Variants in CEP63 observed in about 807,000 individuals in gnomAD.
The protein encoded by CEP63 is centrosomal protein 63.
Under a neutral mutation model 89.1 loss-of-function variants are expected in CEP63, and 84 were observed. The observed-to-expected ratio is 0.94, with a 90% CI of 0.79 to 1.13. The LOEUF (loss-of-function observed/expected upper bound fraction) is 1.13, where lower values mean the gene tolerates loss of function less well. Among genes scored for constraint, CEP63 ranks in the 50% most tolerant of loss-of-function variants. The probability of loss-of-function intolerance (pLI) is 0.00; values close to 1 mark genes in which losing one functional copy is unlikely to be tolerated. For missense variants in CEP63, 838 were observed against 813.3 expected (o/e 1.03, Z -0.37); for synonymous variants, 267 against 272.5 (o/e 0.98, Z 0.20).
chr3:134,701,312 A>ATACGTATATATACGTATATGTG, the CEP63 span, among the ~76,000 whole-genome samples: 2 of 24,856 alleles, frequency 8.0e-5, no homozygotes, highest in Non-Finnish European at 1.7e-4. Context: ...ATACGTATAT[A>ATACGTATATATACGTATATGTG]TGTGTATATA....
At chr3:134,604,038 C>T in the CEP63 span, 2 of 1,614,022 alleles carry the variant, frequency 1.2e-6, no homozygotes, top group Non-Finnish European at 1.7e-6. Flanking sequence ...AGATGTAGCG[C>T]CGCTGTGTCT....
the CEP63 span, among the ~76,000 whole-genome samples, chr3:134,695,136 G>A: frequency 6.6e-6 from 1 of 152,216 alleles, no homozygotes; most frequent in Non-Finnish European, 1.5e-5. Context: ...TGCGGGGTAG[G>A]AGGTGGGAGG....
chr3:134,629,135 A>G, the CEP63 span, among the ~76,000 whole-genome samples: 2 of 152,210 alleles, frequency 1.3e-5, no homozygotes, highest in Non-Finnish European at 2.9e-5. Flanking sequence ...TATGGTGGTT[A>G]AGACCACAGG....
At position 134,561,373 on chromosome 3, in the gene CEP63, C is replaced by G. The variant is rs761546640; in HGVS notation, c.1954-4C>G. ...ACACATGTCAAAATTTGTGTCTCTT[C>G]CAGTGTTCCTTGCCTGTATCTCCCC... On this transcript the variant is annotated splice_region_variant and splice_polypyrimidine_tract_variant and intron_variant, in intron 14 of 14. Coordinates refer to ENST00000675561, the MANE Select transcript of CEP63 (RefSeq NM_001353108.3). 2 of 1,613,238 alleles carry G rather than the reference C, an allele frequency of 1.2e-6. No individual in the cohort carries two copies. The highest frequency in any genetic ancestry group is 2.2e-5 in the South Asian group (2 of 91,060).
the CEP63 span, among the ~76,000 whole-genome samples, chr3:134,699,161 G>A: frequency 6.6e-6 from 1 of 152,204 alleles, no homozygotes; most frequent in Non-Finnish European, 1.5e-5. Flanking sequence ...AAACATATCT[G>A]TCCTAATCAC....
chr3:134,673,188 C>T, the CEP63 span, among the ~76,000 whole-genome samples: 37 of 152,294 alleles, frequency 2.4e-4, no homozygotes, highest in South Asian at 1.7e-3. Flanking sequence ...ATACCACCAT[C>T]CATCAAGAAC....
downstream of CEP63, among the ~76,000 whole-genome samples, chr3:134,575,999 C>T (rs1297717757): frequency 6.6e-6 from 1 of 152,150 alleles, no homozygotes; most frequent in African/African-American, 2.4e-5. Context: ...TTATTTTCAT[C>T]ATCATAATTA....
chr3:134,714,287 G>A, the CEP63 span, among the ~76,000 whole-genome samples: 1 of 151,980 alleles, frequency 6.6e-6, no homozygotes, highest in Non-Finnish European at 1.5e-5. Context: ...ATTTGAGGTT[G>A]GTGTCTTTTT....
intron 3 of CEP63, among the ~76,000 whole-genome samples, chr3:134,512,999 G>A (rs1049014847): frequency 6.6e-6 from 1 of 152,112 alleles, no homozygotes; most frequent in Non-Finnish European, 1.5e-5. Flanking sequence ...TCTGACACAG[G>A]TGTAAATCTT....
At chr3:134,492,398 T>C (rs1451266746) in intron 1 of CEP63, among the ~76,000 whole-genome samples, 1 of 152,174 alleles carries the variant, frequency 6.6e-6, no homozygotes, top group African/African-American at 2.4e-5. Flanking sequence ...GTGATATAAC[T>C]ATGAGCAACT....
chr3:134,651,031 G>T, the CEP63 span: 2 of 1,598,422 alleles, frequency 1.3e-6, no homozygotes, highest in Non-Finnish European at 1.7e-6. Flanking sequence ...ATGGCCCCGT[G>T]CGCGCAGCTG....
At chr3:134,601,831 G>A in the CEP63 span, among the ~76,000 whole-genome samples, 7 of 152,250 alleles carry the variant, frequency 4.6e-5, no homozygotes, top group Admixed American at 2.0e-4. Flanking sequence ...GAGGGATCCC[G>A]GGGGATAATG....
the CEP63 span, among the ~76,000 whole-genome samples, chr3:134,731,905 A>T: frequency 2.0e-5 from 3 of 152,212 alleles, no homozygotes; most frequent in Non-Finnish European, 1.5e-5. Flanking sequence ...CTGAACACAG[A>T]TCTGGAACAT....
At chr3:134,578,347 TGA>T (rs1491212504), downstream of CEP63, among the ~76,000 whole-genome samples, 15 of 150,570 alleles carry the variant, frequency 1.0e-4, no homozygotes, top group African/African-American at 3.4e-4. Flanking sequence ...TTTTTTTTTT[TGA>T]GATGGAGTCT....
the CEP63 span, among the ~76,000 whole-genome samples, chr3:134,741,000 C>T: frequency 6.6e-6 from 1 of 152,070 alleles, no homozygotes; most frequent in Non-Finnish European, 1.5e-5. Context: ...CATCAACCCT[C>T]TCTGTTATTT....
the CEP63 span, among the ~76,000 whole-genome samples, chr3:134,718,839 C>G: frequency 2.0e-5 from 3 of 152,240 alleles, no homozygotes; most frequent in Non-Finnish European, 4.4e-5. Context: ...ACTTTCCTCG[C>G]TGGGATGGAC....
At chr3:134,529,020 C>T (rs1016756750) in intron 3 of CEP63, among the ~76,000 whole-genome samples, 2 of 152,046 alleles carry the variant, frequency 1.3e-5, no homozygotes, top group Non-Finnish European at 2.9e-5. Flanking sequence ...TTAGAAAAGA[C>T]CAACTATGAA....
chr3:134,613,041 A>G, the CEP63 span: 2 of 154,380 alleles, frequency 1.3e-5, no homozygotes, highest in South Asian at 2.0e-4. Flanking sequence ...ATGTCTGTGC[A>G]TATCACTTTC....
intron 12 of CEP63, among the ~76,000 whole-genome samples, chr3:134,555,350 A>C (rs1429652968): frequency 5.3e-5 from 8 of 152,198 alleles, no homozygotes; most frequent in Non-Finnish European, 1.2e-4. Context: ...TTTGCAGACG[A>C]CATGATTGTA....
Sources: allele counts gnomAD v4.1 joint callset (sites outside exome capture counted in the v4.1 genomes callset), GRCh38; gene constraint gnomAD v4.1.1; transcripts MANE v1.5; gene names NCBI Gene and HGNC (gene_info 2026-07-23, HGNC 2026-07-21).